Variants in RFC3 observed in about 807,000 individuals in gnomAD.
RFC3 encodes A1 38 kDa subunit.
In RFC3, 41 loss-of-function variants were observed where a neutral mutation model predicts 45.1. That is an observed-to-expected ratio of 0.91 (90% CI 0.71 to 1.18). The LOEUF (loss-of-function observed/expected upper bound fraction) is 1.18, where lower values mean the gene tolerates loss of function less well. Among genes scored for constraint, RFC3 ranks in the 50% most tolerant of loss-of-function variants. The probability of loss-of-function intolerance (pLI) is 0.00; values close to 1 mark genes in which losing one functional copy is unlikely to be tolerated. For missense variants in RFC3, 423 were observed against 428.1 expected (o/e 0.99, Z 0.10); for synonymous variants, 149 against 144.0 (o/e 1.03, Z -0.25).
rs1388514327 is a variant in RFC3 at position 33,830,814 on chromosome 13, CA to C, written c.670del (p.Arg224GlufsTer32). On this transcript the variant is annotated frameshift_variant, in exon 6 of 9. Transcript: ENST00000380071. LOFTEE classifies it high-confidence loss of function. ...RLAEKSCRNL[R>X]KALLMCEACR... ...TTGCAGAGAAGTCTTGTAGAAATCT[CA>C]GAAAAGCCCTGCTTATGTGTGAAGC... 3 of 1,613,746 alleles carry C rather than the reference CA, an allele frequency of 1.9e-6. No homozygotes were observed. The highest frequency in any genetic ancestry group is 2.5e-6 in the Non-Finnish European group (3 of 1,179,826).
chr13:33,861,775 A>C (rs749584826), intron 8 of RFC3, among the ~76,000 whole-genome samples: 85 of 152,292 alleles, frequency 5.6e-4, no homozygotes, highest in Non-Finnish European at 1.1e-3. Context: ...GAGGCTCCCA[A>C]AATGATTTTT....
At chr13:33,957,481 A>T (rs1566042370) in intron 8 of RFC3, among the ~76,000 whole-genome samples, 5 of 152,158 alleles carry the variant, frequency 3.3e-5, no homozygotes, top group Non-Finnish European at 5.9e-5. Flanking sequence ...GTTGGTGTGC[A>T]TTTTGCCCTG....
At chr13:33,936,362 T>G (rs2082886270) in intron 8 of RFC3, among the ~76,000 whole-genome samples, 1 of 152,110 alleles carries the variant, frequency 6.6e-6, no homozygotes, top group Non-Finnish European at 1.5e-5. Context: ...TAAATTACTA[T>G]TTAGTTATAA....
At chr13:33,862,966 TAATA>T (rs1465641403) in intron 8 of RFC3, among the ~76,000 whole-genome samples, 1 of 152,220 alleles carries the variant, frequency 6.6e-6, no homozygotes, top group Non-Finnish European at 1.5e-5. Flanking sequence ...CTATTGTTTA[TAATA>T]AATTAATTCT....
chr13:33,895,453 A>G (rs1210881852), intron 8 of RFC3, among the ~76,000 whole-genome samples: 1 of 152,184 alleles, frequency 6.6e-6, no homozygotes, highest in Admixed American at 6.5e-5. Context: ...ACCTTACTCC[A>G]GCTAGAATGG....
intron 8 of RFC3, among the ~76,000 whole-genome samples, chr13:33,945,114 T>C (rs1235878655): frequency 6.6e-6 from 1 of 152,238 alleles, no homozygotes; most frequent in East Asian, 1.9e-4. Context: ...GCCTTGTTGA[T>C]TAACATCCTG....
At chr13:33,828,261 C>T (rs1228866741) in intron 4 of RFC3, among the ~76,000 whole-genome samples, 1 of 152,124 alleles carries the variant, frequency 6.6e-6, no homozygotes, top group Non-Finnish European at 1.5e-5. Context: ...CTCTCTTTTA[C>T]CTGTTCTCAA....
At chr13:33,891,859 A>T (rs1277278872) in intron 8 of RFC3, among the ~76,000 whole-genome samples, 1 of 152,182 alleles carries the variant, frequency 6.6e-6, no homozygotes, top group African/African-American at 2.4e-5. Flanking sequence ...CCTATGTCCC[A>T]TATATTAAGA....
At chr13:33,918,004 C>A (rs982867801) in intron 8 of RFC3, among the ~76,000 whole-genome samples, 1 of 152,094 alleles carries the variant, frequency 6.6e-6, no homozygotes, top group African/African-American at 2.4e-5. Flanking sequence ...AAGTATGTAA[C>A]ATATGCCATT....
At chr13:33,855,657 A>G (rs1028569403) in intron 8 of RFC3, among the ~76,000 whole-genome samples, 1 of 152,058 alleles carries the variant, frequency 6.6e-6, no homozygotes. Flanking sequence ...TGATTTTTTA[A>G]CAATAGCCAT....
downstream of RFC3, among the ~76,000 whole-genome samples, chr13:33,840,287 G>C (rs1034954251): frequency 1.3e-5 from 2 of 152,044 alleles, no homozygotes; most frequent in South Asian, 2.1e-4. Flanking sequence ...TTTTCTCACT[G>C]TCCTACAGTT....
At chr13:33,928,968 T>G (rs1490140743) in intron 8 of RFC3, among the ~76,000 whole-genome samples, 1 of 152,190 alleles carries the variant, frequency 6.6e-6, no homozygotes, top group Non-Finnish European at 1.5e-5. Context: ...TCTACAGTAT[T>G]ATGCCAAAAA....
chr13:33,864,228 T>C (rs1419237996), intron 8 of RFC3, among the ~76,000 whole-genome samples: 1 of 152,140 alleles, frequency 6.6e-6, no homozygotes, highest in Admixed American at 6.6e-5. Context: ...AAGACCTTCC[T>C]AAGGGACCTG....
intron 7 of RFC3, 69 bp downstream of exon 7, chr13:33,831,423 T>A: frequency 1.3e-6 from 1 of 791,860 alleles, no homozygotes. Context: ...ATTAACTATT[T>A]TATGCTAATG....
Position 33,836,402 on chromosome 13 carries a change from C to A in RFC3, c.*107C>A, listed in dbSNP as rs1053960. On this transcript the variant is annotated 3_prime_UTR_variant, in exon 9 of 9. Coordinates refer to ENST00000380071, the MANE Select transcript of RFC3 (RefSeq NM_002915.4). ...ACTGAACTTAATCATGTCGTATTTG[C>A]GTTTTTTTGGTAATAACTTCTCTGT... 4.0e-6 allele frequency: 6 copies of A among 1,494,200 alleles called. No homozygotes were observed. In the African/African-American group the frequency reaches 4.2e-5, roughly 10 times the overall value. 92.6% of individuals were successfully genotyped at this position (1,494,200 alleles called of 1,614,324 possible).
chr13:33,976,283 T>C, the RFC3 span, among the ~76,000 whole-genome samples: 6 of 152,132 alleles, frequency 3.9e-5, no homozygotes, highest in African/African-American at 1.4e-4. Context: ...TGTAGCAACA[T>C]AAATGGAACT....
intron 8 of RFC3, among the ~76,000 whole-genome samples, chr13:33,934,723 C>A (rs1026090058): frequency 3.9e-5 from 6 of 152,122 alleles, no homozygotes; most frequent in Admixed American, 2.6e-4. Context: ...TTGGGTCTAT[C>A]TGGTTTTTGT....
At chr13:33,851,384 G>C (rs2137505416) in intron 8 of RFC3, among the ~76,000 whole-genome samples, 1 of 152,146 alleles carries the variant, frequency 6.6e-6, no homozygotes, top group South Asian at 2.1e-4. Flanking sequence ...GTTGACCAGA[G>C]CCTTACCAAC....
At position 33,823,999 on chromosome 13, in the gene RFC3, T is replaced by C; in HGVS notation, c.293+15T>C. ...GTTAATCCTAGGTAAGTTACTACTA[T>C]ATAGAAATTAAGTATTTTTAAAGAA... On this transcript the variant is annotated intron_variant, in intron 3 of 8. Coordinates refer to ENST00000380071, the MANE Select transcript of RFC3 (RefSeq NM_002915.4). 2.3e-6 allele frequency: 3 copies of C among 1,298,106 alleles called. No homozygotes were observed. Among genetic ancestry groups the C allele is most frequent in the Non-Finnish European group, 3.2e-6 (3 of 927,158 alleles). 80.4% of individuals were successfully genotyped at this position (1,298,106 alleles called of 1,614,324 possible).
Sources: gnomAD v4.1 joint callset for allele counts (sites outside exome capture counted in the v4.1 genomes callset) on GRCh38, gnomAD v4.1.1 for gene constraint, MANE v1.5 for transcripts, NCBI Gene and HGNC (gene_info 2026-07-23, HGNC 2026-07-21) for gene names.